DNAH6: variants seen among roughly 807,000 people sequenced by gnomAD.
The protein encoded by DNAH6 is axonemal beta dynein heavy chain 6.
In DNAH6, 340 loss-of-function variants were observed where a neutral mutation model predicts 491.4. That is an observed-to-expected ratio of 0.69 (90% CI 0.63 to 0.76). The LOEUF (loss-of-function observed/expected upper bound fraction) is 0.76, where lower values mean the gene tolerates loss of function less well. DNAH6 is among the 30% of genes least tolerant of loss of function. The pLI is 0.00. For missense variants in DNAH6, 4,443 were observed against 4,972.2 expected (o/e 0.89, Z 3.20); for synonymous variants, 1,603 against 1,686.1 (o/e 0.95, Z 1.21).
intron 68 of DNAH6, among the ~76,000 whole-genome samples, chr2:84,791,650 A>G (rs1426580738): frequency 6.7e-6 from 1 of 149,684 alleles, no homozygotes; most frequent in Non-Finnish European, 1.5e-5. Context: ...ATGAATTTAT[A>G]TATATATAAT....
intron 45 of DNAH6, among the ~76,000 whole-genome samples, chr2:84,692,992 A>G (rs573283377): frequency 5.3e-5 from 8 of 152,284 alleles, no homozygotes; most frequent in African/African-American, 1.9e-4. Context: ...TCTGCATGTA[A>G]ATTACTTATA....
In DNAH6 at chr2:84,633,947, A is replaced by C. The variant is rs78909100; in HGVS notation, c.4516-557A>C. Among the ~76,000 whole-genome samples, 1,032 of 152,304 alleles carry C rather than the reference A, an allele frequency of 6.8e-3. 13 individuals carry two copies. Among genetic ancestry groups the C allele is most frequent in the African/African-American group, 0.023 (957 of 41,570 alleles). ...ATGGTATAATGCAAGATTTATATAC[A>C]TGCTTAACCAATATCTCAAGTGCCC... is the stretch of plus-strand genomic sequence containing the variant. On this transcript the variant is annotated intron_variant, in intron 29 of 76. Coordinates refer to ENST00000389394, the MANE Select transcript of DNAH6 (RefSeq NM_001370.2).
intron 33 of DNAH6, among the ~76,000 whole-genome samples, chr2:84,645,179 G>A (rs886741002): frequency 1.3e-5 from 2 of 152,124 alleles, no homozygotes; most frequent in African/African-American, 4.8e-5. Context: ...CAACACTTTG[G>A]GAGGATGAGG....
At chr2:84,620,626 A>G (rs1373793508) in intron 24 of DNAH6, among the ~76,000 whole-genome samples, 1 of 152,170 alleles carries the variant, frequency 6.6e-6, no homozygotes. Flanking sequence ...TGGTGTATCT[A>G]TGGGAACATA....
intron 11 of DNAH6, among the ~76,000 whole-genome samples, 187 bp from the exon 12 acceptor site, chr2:84,573,277 TTTC>T (rs1682074470): frequency 6.6e-6 from 1 of 152,212 alleles, no homozygotes; most frequent in African/African-American, 2.4e-5. Flanking sequence ...TTCATAACAA[TTTC>T]TTCTTGAATC....
At position 84,703,377 on chromosome 2, in the gene DNAH6, A is replaced by C; in HGVS notation, c.8062-18A>C. On this transcript the variant is annotated intron_variant, in intron 49 of 76. Coordinates refer to ENST00000389394, the MANE Select transcript of DNAH6 (RefSeq NM_001370.2). ...GTTTATAATGCTCATTATAATATAA[A>C]TTTTCATTGTCACTTAGGCACGAGA... 1 of 1,482,036 alleles carries C rather than the reference A, an allele frequency of 6.7e-7. No individual in the cohort carries two copies. The highest frequency in any genetic ancestry group is 2.5e-5 in the East Asian group (1 of 40,458). 91.8% of individuals were successfully genotyped at this position (1,482,036 alleles called of 1,614,324 possible).
chr2:84,753,402 T>C (rs566491388), intron 63 of DNAH6, among the ~76,000 whole-genome samples: 1 of 152,106 alleles, frequency 6.6e-6, no homozygotes, highest in South Asian at 2.1e-4. Flanking sequence ...GTTTATCTAT[T>C]TTTTTTTCTT....
At chr2:84,800,473 A>G (rs543379482) in intron 70 of DNAH6, among the ~76,000 whole-genome samples, 5 of 152,218 alleles carry the variant, frequency 3.3e-5, no homozygotes, top group Non-Finnish European at 7.3e-5. Flanking sequence ...ACTCAATGAG[A>G]TCCAAGAGAA....
chr2:84,635,062 C>T (rs955354862), intron 30 of DNAH6, among the ~76,000 whole-genome samples: 42 of 152,246 alleles, frequency 2.8e-4, no homozygotes, highest in Middle Eastern at 3.4e-3. Flanking sequence ...TTGGCCCTTT[C>T]GGAAGAGCCC....
At chr2:84,664,399 G>A (rs911453179) in intron 37 of DNAH6, among the ~76,000 whole-genome samples, 3 of 152,010 alleles carry the variant, frequency 2.0e-5, no homozygotes, top group African/African-American at 7.3e-5. Flanking sequence ...AAGAGATGCA[G>A]GAAGATCTAC....
chr2:84,741,553 C>T (rs934799288), intron 62 of DNAH6, among the ~76,000 whole-genome samples: 1 of 152,124 alleles, frequency 6.6e-6, no homozygotes, highest in African/African-American at 2.4e-5. Context: ...GGTGGGGCAC[C>T]ATTCAGGCAA....
chr2:84,700,971 G>A, intron 48 of DNAH6, 126 bp from the exon 49 acceptor site: 2 of 1,081,042 alleles, frequency 1.9e-6, no homozygotes, highest in Non-Finnish European at 2.6e-6. Flanking sequence ...GACATGAGTA[G>A]GAGTTAACTA....
intron 3 of DNAH6, among the ~76,000 whole-genome samples, chr2:84,528,154 G>T (rs1488756376): frequency 6.6e-6 from 1 of 152,130 alleles, no homozygotes; most frequent in African/African-American, 2.4e-5. Flanking sequence ...AAGCTGGAGT[G>T]TGTGGGCATG....
chr2:84,533,186 A>G (rs933045524), intron 4 of DNAH6, among the ~76,000 whole-genome samples: 1 of 152,150 alleles, frequency 6.6e-6, no homozygotes, highest in Non-Finnish European at 1.5e-5. Flanking sequence ...CACATCCAAC[A>G]GTAAACCTCA....
intron 4 of DNAH6, among the ~76,000 whole-genome samples, chr2:84,540,021 A>G (rs1448803300): frequency 6.6e-6 from 1 of 152,168 alleles, no homozygotes; most frequent in Non-Finnish European, 1.5e-5. Context: ...TATTCAATGA[A>G]TACACCCAAA....
At chr2:84,720,448 T>G (rs1198355917) in intron 59 of DNAH6, among the ~76,000 whole-genome samples, 2 of 150,434 alleles carry the variant, frequency 1.3e-5, no homozygotes, top group African/African-American at 4.9e-5. Context: ...CCGGCTAATT[T>G]TTTGTATTTT....
At chr2:84,532,129 A>G (rs1677234053) in intron 4 of DNAH6, among the ~76,000 whole-genome samples, 1 of 152,130 alleles carries the variant, frequency 6.6e-6, no homozygotes, top group African/African-American at 2.4e-5. Flanking sequence ...ATTCTCATCT[A>G]TTTACCAGCA....
Position 84,637,368 on chromosome 2 carries a change from G to T in DNAH6, c.4812G>T (p.Leu1604Phe). The change falls in exon 31 of 77, where the codon TTG (leucine) becomes TTT (phenylalanine). Residue 1604 changes from leucine (L) to phenylalanine (F), a missense_variant. Transcript: ENST00000389394. ...PFAMMVPNYA[L>F]IAEVILYSEG... ...CGATGATGGTTCCAAATTATGCCTT[G>T]ATTGCAGAGGTGAGCATCACATTAT... The T allele has an allele frequency of 1.9e-6, 3 of 1,543,998 alleles. No individual in the cohort carries two copies. Among genetic ancestry groups the T allele is most frequent in the Non-Finnish European group, 2.6e-6 (3 of 1,142,270 alleles).
chr2:84,566,825 G>A (rs977106529), intron 11 of DNAH6, among the ~76,000 whole-genome samples: 7 of 151,996 alleles, frequency 4.6e-5, no homozygotes, highest in African/African-American at 9.7e-5. Context: ...TAGAATAGAC[G>A]CCAAAATACA....
Sources: gnomAD v4.1 joint callset for allele counts (sites outside exome capture counted in the v4.1 genomes callset) on GRCh38, gnomAD v4.1.1 for gene constraint, MANE v1.5 for transcripts, NCBI Gene and HGNC (gene_info 2026-07-23, HGNC 2026-07-21) for gene names.